The following RYR3 variants were observed in gnomAD, a reference collection of about 807,000 sequenced individuals.
RYR3 encodes ryanodine receptor 3, also known as brain ryanodine receptor-calcium release channel.
In RYR3, 207 loss-of-function variants were observed where a neutral mutation model predicts 584.3. The ratio of observed to expected loss-of-function variants is 0.35; its 90% CI spans 0.32 to 0.40. RYR3 has a LOEUF of 0.40. RYR3 is among the 10% of genes least tolerant of loss of function. The pLI is 1.00. For missense variants in RYR3, 5,616 were observed against 6,089.2 expected, an observed-to-expected ratio of 0.92 and a Z score of 2.59; for synonymous variants, 2,416 against 2,248.5, an observed-to-expected ratio of 1.07 and a Z score of -2.11.
Position 33,660,339 on chromosome 15 carries a change from A to T in RYR3, c.4538A>T (p.Glu1513Val). Residue 1513 changes from glutamate to valine, a missense_variant, in exon 34 of 104, where the codon GAG (glutamate) becomes GTG (valine). By Grantham distance (121) the Glu-to-Val change is moderately radical. Transcript: ENST00000634891. ...AACAGCTTCCTGAAGGTGGAGACCG[A>T]GCGTGTGAGCGAGCGCCACGGCTGG... ...MPNSFLKVET[E>V]RVSERHGWVV... is the part of the protein sequence containing the mutation. 1 of 1,592,286 alleles carries T rather than the reference A, an allele frequency of 6.3e-7. No individual in the cohort carries two copies. Among genetic ancestry groups the T allele is most frequent in the Non-Finnish European group, 8.5e-7 (1 of 1,169,820 alleles).
At position 33,317,596 on chromosome 15, in the gene RYR3, C is replaced by T. The variant is rs114798912; in HGVS notation, c.51+6500C>T. Among the ~76,000 whole-genome samples, 1,357 of 152,304 alleles carry T rather than the reference C, an allele frequency of 8.9e-3. 25 individuals are homozygous for T. The highest frequency in any genetic ancestry group is 0.031 in the African/African-American group (1,289 of 41,562). ...AGAGAGGGAAGAAAAAGTGCTGGCACCTCAGCCCTGATCCTGCTACAGGGA... is the reference window on the plus strand; with the variant it reads ...AGAGAGGGAAGAAAAAGTGCTGGCATCTCAGCCCTGATCCTGCTACAGGGA... On this transcript the variant is annotated intron_variant, in intron 1 of 103. Transcript: ENST00000634891.
In RYR3 at chr15:33,649,172, A is replaced by G. The variant is rs1324661502; in HGVS notation, c.4079A>G (p.Asp1360Gly). The G allele has an allele frequency of 1.9e-6, 3 of 1,613,800 alleles. No individual in the cohort carries two copies. The East Asian group carries it at 6.7e-5, about 36-fold the overall frequency. ...TATCACTTGTACAGTGAAAAGTTTG[A>G]CCTGAATAAAAACTGCACAGTGACT... ...PDYHLYSEKF[D>G]LNKNCTVTVT... Residue 1360 changes from aspartate (D) to glycine (G), a missense_variant, in exon 31 of 104, where the codon GAC (aspartate) becomes GGC (glycine). Coordinates refer to ENST00000634891, the MANE Select transcript of RYR3 (RefSeq NM_001036.6).
At chr15:33,824,174 C>A (rs1169938453) in intron 81 of RYR3, among the ~76,000 whole-genome samples, 1 of 152,092 alleles carries the variant, frequency 6.6e-6, no homozygotes, top group African/African-American at 2.4e-5. Flanking sequence ...TAAAGTTATC[C>A]ATTTACTTTC....
chr15:33,546,180 T>C (rs937515355), intron 8 of RYR3, among the ~76,000 whole-genome samples: 1 of 152,180 alleles, frequency 6.6e-6, no homozygotes, highest in Non-Finnish European at 1.5e-5. Flanking sequence ...AGAACAAACC[T>C]TCACAAATCC....
At chr15:33,535,687 G>A (rs560947396) in intron 5 of RYR3, among the ~76,000 whole-genome samples, 25 of 152,240 alleles carry the variant, frequency 1.6e-4, no homozygotes, top group South Asian at 6.2e-4. Context: ...GAGAAACACC[G>A]CTTTTTAGTC....
rs371693088 is a variant in RYR3, at chr15:33,759,107, A to C, written c.8705+1511A>C. Among the ~76,000 whole-genome samples, 60 of 152,336 alleles carry C rather than the reference A, an allele frequency of 3.9e-4. No homozygotes were observed. In the East Asian group the frequency reaches 0.012, roughly 29 times the overall value. ...AGAAAGCAATAGCATCAACATCAAC[A>C]AAAACGACACCCATGCAAAAGCTCC... On this transcript the variant is annotated intron_variant, in intron 60 of 103. Transcript: ENST00000634891.
At chr15:33,472,370 C>T (rs1329007073) in intron 1 of RYR3, among the ~76,000 whole-genome samples, 1 of 152,196 alleles carries the variant, frequency 6.6e-6, no homozygotes, top group African/African-American at 2.4e-5. Flanking sequence ...ATGATTTCTA[C>T]TTAATCTGCC....
chr15:33,477,822 C>T (rs2049537303), intron 2 of RYR3, among the ~76,000 whole-genome samples: 1 of 108,838 alleles, frequency 9.2e-6, no homozygotes, highest in African/African-American at 5.0e-5. Context: ...TTGCAGTGAG[C>T]GGAGATGGCG....
chr15:33,513,585 T>C (rs1252564881), intron 3 of RYR3, among the ~76,000 whole-genome samples: 3 of 152,250 alleles, frequency 2.0e-5, no homozygotes, highest in African/African-American at 7.2e-5. Flanking sequence ...GCAGAATGCT[T>C]CTGCTTCCAC....
intron 2 of RYR3, among the ~76,000 whole-genome samples, chr15:33,474,307 A>G (rs1291635132): frequency 1.3e-5 from 2 of 152,162 alleles, no homozygotes; most frequent in South Asian, 2.1e-4. Context: ...GTAGGTAAGT[A>G]TATAAGTGTA....
At position 33,838,141 on chromosome 15, in the gene RYR3, C is replaced by G; in HGVS notation, c.12161C>G (p.Thr4054Ser). Residue 4054 changes from threonine (T) to serine (S), a missense_variant, in exon 89 of 104, where the codon ACT (threonine) becomes AGT (serine). Physicochemically the swap from Thr to Ser is moderately conservative, Grantham distance 58. Coordinates refer to ENST00000634891, the MANE Select transcript of RYR3 (RefSeq NM_001036.6). ...TTTGAGATCAGTGAATCCAGTCGCA[C>G]TCAGTGGGAGAAGCCCCAGGTGAAG... ...VYFEISESSR[T>S]QWEKPQVKES... 1.9e-6 allele frequency: 3 copies of G among 1,613,912 alleles called. No homozygotes were observed. The highest frequency in any genetic ancestry group is 2.5e-6 in the Non-Finnish European group (3 of 1,179,886).
intron 2 of RYR3, among the ~76,000 whole-genome samples, chr15:33,498,282 A>C (rs1419568674): frequency 6.6e-6 from 1 of 152,164 alleles, no homozygotes; most frequent in South Asian, 2.1e-4. Context: ...CATAATAGCT[A>C]TACTAATTTA....
chr15:33,760,609 C>T (rs995122474), intron 60 of RYR3, among the ~76,000 whole-genome samples: 2 of 152,076 alleles, frequency 1.3e-5, no homozygotes, highest in African/African-American at 4.8e-5. Context: ...TAAAGCAAGT[C>T]CTTAGAGACC....
intron 39 of RYR3, among the ~76,000 whole-genome samples, chr15:33,697,503 T>G (rs1231893266): frequency 6.6e-6 from 1 of 152,188 alleles, no homozygotes; most frequent in Non-Finnish European, 1.5e-5. Context: ...ACTCTGTGAA[T>G]TTATATTGGA....
chr15:33,649,305 C>A, intron 31 of RYR3, 70 bp downstream of exon 31: 1 of 1,406,596 alleles, frequency 7.1e-7, no homozygotes, highest in Non-Finnish European at 9.8e-7. Flanking sequence ...CTTTTTCTTC[C>A]ACCCCACACC....
chr15:33,435,776 C>T (rs1272634606), intron 1 of RYR3, among the ~76,000 whole-genome samples: 1 of 152,168 alleles, frequency 6.6e-6, no homozygotes, highest in Non-Finnish European at 1.5e-5. Flanking sequence ...TGTTACAGCT[C>T]TTAAAGGTGG....
At chr15:33,782,950 A>G (rs10519873) in intron 65 of RYR3, among the ~76,000 whole-genome samples, 96,023 of 152,074 alleles carry the variant, frequency 0.63, 30,807 homozygotes, top group East Asian at 0.95. Context: ...ACTAGATGTC[A>G]GACCAAAGCA....
rs187072024 is a variant in RYR3 at position 33,809,578 on chromosome 15, G to T, written c.10027-901G>T. 2.9e-3 allele frequency among the ~76,000 whole-genome samples: 426 copies of T among 148,658 alleles called. 4 individuals are homozygous for T. The highest frequency in any genetic ancestry group is 7.0e-4 in the Non-Finnish European group (47 of 67,402). ...CAGTGGGTTCCCTGGGGCTGCTATT[G>T]TGTCATAGCCCAGTGCATTGGATTC... On this transcript the variant is annotated intron_variant, in intron 70 of 103. Coordinates refer to ENST00000634891, the MANE Select transcript of RYR3 (RefSeq NM_001036.6).
At chr15:33,521,306 G>C (rs2053964990) in intron 3 of RYR3, among the ~76,000 whole-genome samples, 2 of 152,158 alleles carry the variant, frequency 1.3e-5, no homozygotes, top group Admixed American at 6.5e-5. Context: ...GCCTGTGACT[G>C]AGAATTTACA....
Sources: gnomAD v4.1 joint callset for allele counts (sites outside exome capture counted in the v4.1 genomes callset) on GRCh38, gnomAD v4.1.1 for gene constraint, MANE v1.5 for transcripts, NCBI Gene and HGNC (gene_info 2026-07-23, HGNC 2026-07-21) for gene names.